NRG3: variants seen among roughly 807,000 people sequenced by gnomAD.
NRG3 encodes pro-neuregulin-3, membrane-bound isoform.
In NRG3, 31 loss-of-function variants were observed where a neutral mutation model predicts 66.9. The ratio of observed to expected loss-of-function variants is 0.46; its 90% CI spans 0.35 to 0.63. The LOEUF is 0.63. Among genes scored for constraint, NRG3 ranks in the 20% least tolerant of loss-of-function variants. NRG3 has a pLI of 0.00. For missense variants in NRG3, 910 were observed against 878.9 expected, an observed-to-expected ratio of 1.04 and a Z score of -0.45; for synonymous variants, 393 against 359.4, an observed-to-expected ratio of 1.09 and a Z score of -1.06.
intron 2 of NRG3, among the ~76,000 whole-genome samples, chr10:82,365,042 T>G (rs763013775): frequency 3.3e-5 from 5 of 152,202 alleles, no homozygotes; most frequent in Non-Finnish European, 5.9e-5. Context: ...GAGAATTGAT[T>G]GGTCATTGCG....
chr10:82,822,160 T>C (rs939901802), intron 3 of NRG3, among the ~76,000 whole-genome samples: 1 of 152,124 alleles, frequency 6.6e-6, no homozygotes, highest in East Asian at 1.9e-4. Flanking sequence ...ACTGGACTTA[T>C]AATGAAAAGT....
chr10:82,404,542 T>A (rs2087356734), intron 2 of NRG3, among the ~76,000 whole-genome samples: 1 of 152,206 alleles, frequency 6.6e-6, no homozygotes, highest in African/African-American at 2.4e-5. Flanking sequence ...ATCATTATAT[T>A]GTACCTTATT....
chr10:81,891,956 G>A (rs913643287), intron 1 of NRG3, among the ~76,000 whole-genome samples: 3 of 152,060 alleles, frequency 2.0e-5, no homozygotes, highest in Admixed American at 1.3e-4. Context: ...CCTCTGTCTC[G>A]CTCTGTCCAC....
At chr10:82,780,842 C>T (rs1395958701) in intron 3 of NRG3, among the ~76,000 whole-genome samples, 4 of 152,054 alleles carry the variant, frequency 2.6e-5, no homozygotes, top group Non-Finnish European at 5.9e-5. Context: ...TTTTCCTGGC[C>T]CCTTGTTTTC....
intron 1 of NRG3, among the ~76,000 whole-genome samples, chr10:82,170,099 G>T (rs991642585): frequency 1.3e-5 from 2 of 151,318 alleles, no homozygotes; most frequent in African/African-American, 4.9e-5. Flanking sequence ...ATTAACAAAT[G>T]TTAGTTTCTG....
chr10:82,723,522 A>G (rs2057422051), intron 2 of NRG3, among the ~76,000 whole-genome samples: 1 of 152,368 alleles, frequency 6.6e-6, no homozygotes. Flanking sequence ...AAATATTTGT[A>G]TCATTAACGT....
chr10:81,918,825 C>CAAAAAAAAAAAA (rs754495264), intron 1 of NRG3, among the ~76,000 whole-genome samples: 14 of 145,096 alleles, frequency 9.6e-5, no homozygotes, highest in African/African-American at 3.0e-4. Context: ...TTGCAAAAAA[C>CAAAAAAAAAAAA]AAAAACAAAC....
At chr10:82,049,849 A>C (rs2063506478) in intron 1 of NRG3, among the ~76,000 whole-genome samples, 1 of 152,028 alleles carries the variant, frequency 6.6e-6, no homozygotes, top group Non-Finnish European at 1.5e-5. Context: ...GTTTGAGATG[A>C]ACCCATAAAA....
intron 1 of NRG3, chr10:81,877,730 A>C: frequency 1.5e-6 from 2 of 1,363,326 alleles, no homozygotes; most frequent in Non-Finnish European, 1.9e-6. Context: ...CCAGAATGGC[A>C]GTAGAGCCAG....
chr10:81,922,897 G>A (rs1261996627), intron 1 of NRG3, among the ~76,000 whole-genome samples: 3 of 152,114 alleles, frequency 2.0e-5, no homozygotes, highest in South Asian at 4.1e-4. Flanking sequence ...ATCTGTGGGA[G>A]TATTATAAAA....
At chr10:82,407,823 C>G (rs929425472) in intron 2 of NRG3, among the ~76,000 whole-genome samples, 1 of 152,002 alleles carries the variant, frequency 6.6e-6, no homozygotes, top group African/African-American at 2.4e-5. Context: ...ATAATCCCAG[C>G]ACTTTGGGAG....
chr10:81,996,224 G>T (rs1328163090), intron 1 of NRG3, among the ~76,000 whole-genome samples: 1 of 152,150 alleles, frequency 6.6e-6, no homozygotes, highest in Non-Finnish European at 1.5e-5. Flanking sequence ...TTGTTTAAAG[G>T]CATTGGTGTA....
chr10:82,128,291 T>C (rs561036852), intron 1 of NRG3, among the ~76,000 whole-genome samples: 1 of 152,082 alleles, frequency 6.6e-6, no homozygotes, highest in Non-Finnish European at 1.5e-5. Flanking sequence ...GCTATTTCAT[T>C]TTTCTAAGGA....
At chr10:82,707,031 ATATATATG>A (rs1253045214) in intron 2 of NRG3, among the ~76,000 whole-genome samples, 1 of 147,480 alleles carries the variant, frequency 6.8e-6, no homozygotes, top group Admixed American at 6.8e-5. Context: ...ATATATATAT[ATATATATG>A]TATATATATT....
chr10:82,664,517 G>T, intron 2 of NRG3, among the ~76,000 whole-genome samples: 1 of 152,138 alleles, frequency 6.6e-6, no homozygotes, highest in African/African-American at 2.4e-5. Flanking sequence ...TGCCGGGAAT[G>T]TGTCCCAAGC....
chr10:82,011,766 G>A (rs942549717), intron 1 of NRG3, among the ~76,000 whole-genome samples: 2 of 152,172 alleles, frequency 1.3e-5, no homozygotes, highest in Admixed American at 1.3e-4. Flanking sequence ...GATCTCCTTT[G>A]ACTCCATGTC....
chr10:82,422,519 A>G (rs373306486), intron 2 of NRG3, among the ~76,000 whole-genome samples: 11 of 152,046 alleles, frequency 7.2e-5, no homozygotes, highest in East Asian at 5.8e-4. Context: ...AAAAAAAATT[A>G]TCTTTTATGT....
chr10:82,667,727 T>A (rs1377220757), intron 2 of NRG3, among the ~76,000 whole-genome samples: 5 of 152,128 alleles, frequency 3.3e-5, no homozygotes, highest in African/African-American at 4.8e-5. Flanking sequence ...TCCCAACAGT[T>A]ACTTGGACCT....
chr10:82,849,186 T>C (rs1314151414), intron 3 of NRG3, among the ~76,000 whole-genome samples: 2 of 152,068 alleles, frequency 1.3e-5, no homozygotes, highest in African/African-American at 4.8e-5. Flanking sequence ...GAGAACACCA[T>C]GTAAAGATGA....
Sources: gnomAD v4.1 joint callset for allele counts (sites outside exome capture counted in the v4.1 genomes callset) on GRCh38, gnomAD v4.1.1 for gene constraint, MANE v1.5 for transcripts, NCBI Gene and HGNC (gene_info 2026-07-23, HGNC 2026-07-21) for gene names.